The following DCLK2 variants were observed in gnomAD, a reference collection of about 807,000 sequenced individuals.
The protein encoded by DCLK2 is doublecortin like kinase 2, also known as serine/threonine-protein kinase DCLK2.
A neutral mutation model predicts 78.4 loss-of-function variants in DCLK2; 31 were observed. The observed-to-expected ratio is 0.40, with a 90% CI of 0.30 to 0.53. The LOEUF is 0.53. Among genes scored for constraint, DCLK2 ranks in the 20% least tolerant of loss-of-function variants. The pLI, the probability that DCLK2 is intolerant of heterozygous loss-of-function variation, is 0.61. For missense variants in DCLK2, 872 were observed against 973.7 expected, an observed-to-expected ratio of 0.90 and a Z score of 1.39; for synonymous variants, 407 against 374.9, an observed-to-expected ratio of 1.09 and a Z score of -0.99.
At chr4:150,112,111 A>G (rs1731737943) in intron 2 of DCLK2, among the ~76,000 whole-genome samples, 1 of 152,044 alleles carries the variant, frequency 6.6e-6, no homozygotes. Context: ...ATGTTTTTCC[A>G]TCTGTTGTGT....
chr4:150,184,531 A>G (rs932515217), intron 2 of DCLK2, among the ~76,000 whole-genome samples: 1 of 152,096 alleles, frequency 6.6e-6, no homozygotes, highest in African/African-American at 2.4e-5. Flanking sequence ...AAGAAACACA[A>G]GATTTCCAAA....
At chr4:150,201,604 G>A (rs1055857634) in intron 4 of DCLK2, among the ~76,000 whole-genome samples, 6 of 152,176 alleles carry the variant, frequency 3.9e-5, no homozygotes, top group Non-Finnish European at 8.8e-5. Flanking sequence ...GGCCTGGGCA[G>A]GGGATGTATA....
intron 10 of DCLK2, among the ~76,000 whole-genome samples, chr4:150,239,051 C>G (rs897862028): frequency 6.6e-6 from 1 of 152,154 alleles, no homozygotes; most frequent in Non-Finnish European, 1.5e-5. Flanking sequence ...TCAAGTACAT[C>G]ACACATAGTA....
intron 1 of DCLK2, among the ~76,000 whole-genome samples, chr4:150,083,091 A>G (rs1050022274): frequency 4.6e-5 from 7 of 152,140 alleles, no homozygotes; most frequent in Non-Finnish European, 5.9e-5. Context: ...GTACCCGTTA[A>G]TTATCTGAGG....
intron 2 of DCLK2, among the ~76,000 whole-genome samples, chr4:150,172,760 T>TTGGG (rs762854376): frequency 3.2e-5 from 4 of 125,006 alleles, no homozygotes; most frequent in African/African-American, 8.7e-5. Flanking sequence ...TTTTTTTTTT[T>TTGGG]GGGGGGGGGG....
intron 1 of DCLK2, among the ~76,000 whole-genome samples, chr4:150,082,676 C>T (rs1408928033): frequency 6.6e-6 from 1 of 152,208 alleles, no homozygotes; most frequent in African/African-American, 2.4e-5. Flanking sequence ...GGCTCTTAAT[C>T]AATATTGGAA....
chr4:150,078,900 A>G lies in DCLK2; in HGVS notation c.-128A>G, dbSNP rs1729014777. The G allele has an allele frequency of 2.4e-6, 3 of 1,230,650 alleles. No homozygotes were observed. Among genetic ancestry groups the G allele is most frequent in the Non-Finnish European group, 3.2e-6 (3 of 933,654 alleles). The allele number at this position is 1,230,650 out of a possible 1,614,324, so 76.2% of individuals were successfully genotyped here. A position where few individuals can be genotyped will look rare whatever the true frequency, so the allele number is the denominator to read the frequency against. On this transcript the variant is annotated 5_prime_UTR_variant, in exon 1 of 16. Transcript: ENST00000296550. ...GCTCCTCGGCCCCACCTGCGCGGAG[A>G]GGGCGGGATGCCAGAGCCAGGTGTC...
At chr4:150,251,886 T>A (rs1284143465) in intron 15 of DCLK2, among the ~76,000 whole-genome samples, 1 of 151,716 alleles carries the variant, frequency 6.6e-6, no homozygotes, top group Non-Finnish European at 1.5e-5. Flanking sequence ...CCACCCTCTG[T>A]GTGTCCTTGC....
At chr4:150,206,754 AG>A (rs139329653) in intron 5 of DCLK2, among the ~76,000 whole-genome samples, 2,289 of 152,346 alleles carry the variant, frequency 0.015, 64 homozygotes, top group African/African-American at 0.052. Flanking sequence ...TTCAGCTTTT[AG>A]GCCACAATCC....
At chr4:150,202,938 A>G (rs72732431) in intron 4 of DCLK2, among the ~76,000 whole-genome samples, 7,371 of 152,276 alleles carry the variant, frequency 0.048, 199 homozygotes, top group Middle Eastern at 0.078. Context: ...CAGAATCTGC[A>G]AACCTTTCCT....
chr4:150,189,368 C>A (rs2126341854), intron 2 of DCLK2, among the ~76,000 whole-genome samples: 1 of 152,028 alleles, frequency 6.6e-6, no homozygotes, highest in Admixed American at 6.5e-5. Flanking sequence ...TTAATGACTA[C>A]AAATAAGGTA....
intron 2 of DCLK2, among the ~76,000 whole-genome samples, chr4:150,111,024 G>A (rs961614995): frequency 6.6e-6 from 1 of 152,096 alleles, no homozygotes; most frequent in African/African-American, 2.4e-5. Flanking sequence ...TGGATCAAAT[G>A]GTAGATCTAC....
chr4:150,239,164 G>A (rs1465434931), intron 10 of DCLK2, among the ~76,000 whole-genome samples: 1 of 152,196 alleles, frequency 6.6e-6, no homozygotes, highest in East Asian at 1.9e-4. Context: ...AAGCAAGCAC[G>A]TGTGTTCATC....
intron 6 of DCLK2, 116 bp from the exon 7 acceptor site, chr4:150,221,561 T>G (rs1741191704): frequency 1.6e-6 from 1 of 610,244 alleles, no homozygotes; most frequent in Non-Finnish European, 2.7e-6. Flanking sequence ...ATATTTTATT[T>G]AGTTTCACCA....
chr4:150,143,409 C>T (rs564284315), intron 2 of DCLK2, among the ~76,000 whole-genome samples: 22 of 152,098 alleles, frequency 1.4e-4, no homozygotes, highest in Admixed American at 5.2e-4. Flanking sequence ...TTTGAGAGGC[C>T]GAGGCTGGAG....
At chr4:150,186,643 C>T (rs17026747) in intron 2 of DCLK2, among the ~76,000 whole-genome samples, 9,498 of 152,250 alleles carry the variant, frequency 0.062, 953 homozygotes, top group African/African-American at 0.21. Flanking sequence ...GTGAGAGTTA[C>T]TTTACTTTAT....
chr4:150,144,121 T>C (rs1406455239), intron 2 of DCLK2, among the ~76,000 whole-genome samples: 1 of 152,186 alleles, frequency 6.6e-6, no homozygotes, highest in African/African-American at 2.4e-5. Flanking sequence ...TTAATATTTG[T>C]TGGCATCAGA....
intron 1 of DCLK2, among the ~76,000 whole-genome samples, chr4:150,080,763 C>T (rs1190807872): frequency 2.0e-5 from 3 of 152,200 alleles, no homozygotes; most frequent in Non-Finnish European, 4.4e-5. Context: ...TGGAGGAAAA[C>T]TAAAGGTCGT....
intron 2 of DCLK2, among the ~76,000 whole-genome samples, chr4:150,156,631 T>C (rs980732723): frequency 4.6e-5 from 7 of 151,884 alleles, no homozygotes; most frequent in Non-Finnish European, 8.8e-5. Context: ...ATCATGCCAT[T>C]GCACCTGCAG....
Sources: gnomAD v4.1 joint callset for allele counts (sites outside exome capture counted in the v4.1 genomes callset) on GRCh38, gnomAD v4.1.1 for gene constraint, MANE v1.5 for transcripts, NCBI Gene and HGNC (gene_info 2026-07-23, HGNC 2026-07-21) for gene names.